MCTP1: variants seen among roughly 807,000 people sequenced by gnomAD.
The protein encoded by MCTP1 is multiple C2 and transmembrane domain containing 1, also known as multiple C2 and transmembrane domain-containing protein 1.
Under a neutral mutation model 120.6 loss-of-function variants are expected in MCTP1, and 69 were observed. The ratio of observed to expected loss-of-function variants is 0.57; its 90% CI spans 0.47 to 0.70. The LOEUF (loss-of-function observed/expected upper bound fraction) is 0.70, where lower values mean the gene tolerates loss of function less well. Ranked by LOEUF, MCTP1 falls within the 30% of genes least tolerant of loss-of-function variation. The pLI is 0.00. For synonymous variants in MCTP1, 529 were observed against 493.1 expected, an observed-to-expected ratio of 1.07 and a Z score of -0.96; for missense variants, 1,203 against 1,248.8, an observed-to-expected ratio of 0.96 and a Z score of 0.55.
At chr5:95,095,712 T>G (rs1382418805) in intron 1 of MCTP1, among the ~76,000 whole-genome samples, 3 of 152,298 alleles carry the variant, frequency 2.0e-5, no homozygotes, top group East Asian at 1.9e-4. Context: ...GATAACTGAT[T>G]AAAAATTGAA....
At chr5:94,903,993 A>C (rs901385466) in intron 10 of MCTP1, among the ~76,000 whole-genome samples, 1 of 152,210 alleles carries the variant, frequency 6.6e-6, no homozygotes, top group African/African-American at 2.4e-5. Flanking sequence ...ATGGGGATTT[A>C]TTAGCTGATT....
intron 1 of MCTP1, among the ~76,000 whole-genome samples, chr5:95,176,003 T>TAACA (rs1747930042): frequency 6.6e-6 from 1 of 152,212 alleles, no homozygotes; most frequent in Non-Finnish European, 1.5e-5. Context: ...AATCTGGCTC[T>TAACA]AACACCAAAA....
At chr5:94,788,914 A>T (rs1778321098) in intron 18 of MCTP1, 1 of 152,198 alleles carries the variant, frequency 6.6e-6, no homozygotes, top group African/African-American at 2.4e-5. Context: ...ATATGGGTGG[A>T]CGCTTTGGAG....
chr5:94,896,256 C>T (rs1352148580), intron 10 of MCTP1, among the ~76,000 whole-genome samples: 1 of 152,156 alleles, frequency 6.6e-6, no homozygotes, highest in Non-Finnish European at 1.5e-5. Flanking sequence ...AGAGATCTTT[C>T]CAGCACCTGA....
At chr5:94,749,045 T>C (rs1445200995) in intron 19 of MCTP1, among the ~76,000 whole-genome samples, 3 of 152,238 alleles carry the variant, frequency 2.0e-5, no homozygotes, top group Admixed American at 6.5e-5. Flanking sequence ...CCTTGACTTA[T>C]GTGATGATCT....
At chr5:94,890,101 C>G (rs1802249749) in intron 11 of MCTP1, among the ~76,000 whole-genome samples, 1 of 152,128 alleles carries the variant, frequency 6.6e-6, no homozygotes, top group Admixed American at 6.5e-5. Context: ...TGGGCTCAAG[C>G]ATTCCTTCCA....
At chr5:94,909,170 T>C (rs1157827320) in intron 10 of MCTP1, 81 bp downstream of exon 10, 1 of 1,474,484 alleles carries the variant, frequency 6.8e-7, no homozygotes, top group Admixed American at 1.9e-5. Context: ...TAAAGATCAT[T>C]TACAATAACC....
chr5:94,767,912 T>C (rs1014806838), intron 19 of MCTP1, among the ~76,000 whole-genome samples: 3 of 152,126 alleles, frequency 2.0e-5, no homozygotes, highest in Admixed American at 2.0e-4. Context: ...AATGCTAAAA[T>C]TTGTATGGAA....
intron 20 of MCTP1, 22 bp downstream of exon 20, chr5:94,714,755 C>T: frequency 7.3e-7 from 1 of 1,360,810 alleles, no homozygotes; most frequent in Non-Finnish European, 1.1e-6. Flanking sequence ...AAGAATGGGG[C>T]TCACAGGTCA....
intron 1 of MCTP1, among the ~76,000 whole-genome samples, chr5:95,045,608 T>C (rs890832683): frequency 2.6e-5 from 4 of 152,140 alleles, no homozygotes; most frequent in African/African-American, 9.7e-5. Flanking sequence ...ACTTGAATCA[T>C]GTCAGTCAAT....
At chr5:94,768,576 G>T (rs937535412) in intron 19 of MCTP1, among the ~76,000 whole-genome samples, 2 of 152,006 alleles carry the variant, frequency 1.3e-5, no homozygotes, top group Non-Finnish European at 2.9e-5. Flanking sequence ...GTGGGCTAAG[G>T]ATCTGAACAG....
At chr5:95,277,163 G>C (rs1367881550) in intron 1 of MCTP1, among the ~76,000 whole-genome samples, 1 of 152,046 alleles carries the variant, frequency 6.6e-6, no homozygotes, top group African/African-American at 2.4e-5. Flanking sequence ...AGGAGACTTG[G>C]GTGCGAAAAA....
intron 1 of MCTP1, among the ~76,000 whole-genome samples, chr5:95,221,806 C>T (rs985700486): frequency 6.6e-6 from 1 of 152,118 alleles, no homozygotes; most frequent in Non-Finnish European, 1.5e-5. Flanking sequence ...CTCATTCACC[C>T]GTTCTTACCC....
chr5:94,897,476 C>A (rs1804344986), intron 10 of MCTP1, among the ~76,000 whole-genome samples: 1 of 152,166 alleles, frequency 6.6e-6, no homozygotes, highest in Admixed American at 6.5e-5. Flanking sequence ...CGTGCCTCAG[C>A]CTCCCAAATA....
intron 1 of MCTP1, among the ~76,000 whole-genome samples, chr5:95,072,669 C>T (rs1422040858): frequency 6.6e-6 from 1 of 151,054 alleles, no homozygotes; most frequent in African/African-American, 2.4e-5. Flanking sequence ...TTCTCAAAGT[C>T]ACAATATATG....
intron 1 of MCTP1, among the ~76,000 whole-genome samples, chr5:95,066,026 A>G (rs550323209): frequency 6.6e-6 from 1 of 152,338 alleles, no homozygotes; most frequent in Non-Finnish European, 1.5e-5. Context: ...ACATCAAACT[A>G]AAAAGCTCTG....
Position 95,116,247 on chromosome 5 carries a change from G to A in MCTP1, c.721-98763C>T, listed in dbSNP as rs56320666. On this transcript the variant is annotated intron_variant, in intron 1 of 22. Coordinates refer to ENST00000515393, the MANE Select transcript of MCTP1 (RefSeq NM_024717.7). ...ACTCATTGGTAATAGTAAGTGCACC[G>A]AAAAACACAGATTATAACACTATAA... Among the ~76,000 whole-genome samples the A allele has an allele frequency of 6.5e-3, 986 of 152,194 alleles. 15 individuals carry two copies. The highest frequency in any genetic ancestry group is 0.023 in the African/African-American group (950 of 41,522).
rs1755623611 is a variant in MCTP1, at chr5:94,708,733, T to TATTTCTCCTTCATTTCTTCCTCC, written c.2831-125_2831-124insGGAGGAAGAAATGAAGGAGAAAT. ...ACCCAGTTTTTTCCCCCTCTTCCTC[T>TATTTCTCCTTCATTTCTTCCTCC]TTTTCTCCTTCATTTCTTCCTCCTT... is the stretch of plus-strand genomic sequence containing the variant. On this transcript the variant is annotated intron_variant, in intron 21 of 22. Transcript: ENST00000515393. The TATTTCTCCTTCATTTCTTCCTCC allele has an allele frequency of 7.0e-6, 4 of 574,246 alleles. No homozygotes were observed. In the South Asian group the frequency reaches 7.0e-5, roughly 10 times the overall value. The allele number at this position is 574,246 out of a possible 1,614,324, so 35.6% of individuals were successfully genotyped here. A position where few individuals can be genotyped will look rare whatever the true frequency, so the allele number is the denominator to read the frequency against.
At chr5:95,261,877 C>T (rs1758501295) in intron 1 of MCTP1, among the ~76,000 whole-genome samples, 1 of 152,202 alleles carries the variant, frequency 6.6e-6, no homozygotes, top group Non-Finnish European at 1.5e-5. Flanking sequence ...GAGAAGTTAA[C>T]CCACAATGTG....
Sources: gnomAD v4.1 joint callset for allele counts (sites outside exome capture counted in the v4.1 genomes callset) on GRCh38, gnomAD v4.1.1 for gene constraint, MANE v1.5 for transcripts, NCBI Gene and HGNC (gene_info 2026-07-23, HGNC 2026-07-21) for gene names.